Variants in HPGD observed in about 807,000 individuals in gnomAD.
HPGD encodes 15-hydroxyprostaglandin dehydrogenase [NAD(+)].
Under a neutral mutation model 30.0 loss-of-function variants are expected in HPGD, and 29 were observed. The observed-to-expected ratio is 0.97, with a 90% confidence interval of 0.72 to 1.32. HPGD has a LOEUF of 1.32. HPGD is among the 40% of genes most tolerant of loss of function. HPGD has a pLI of 0.00. For synonymous variants in HPGD, 99 were observed against 112.4 expected (o/e 0.88, Z 0.75); for missense variants, 340 against 322.1 (o/e 1.06, Z -0.43).
chr4:174,498,827 C>T (rs1002120359), intron 4 of HPGD, among the ~76,000 whole-genome samples: 5 of 152,034 alleles, frequency 3.3e-5, no homozygotes, highest in African/African-American at 1.2e-4. Context: ...AACTGACTCT[C>T]AATGTAGAAA....
rs1234667185 is a variant in HPGD, at chr4:174,490,416, A to G, written c.*1540T>C. 6.6e-6 allele frequency: 1 copy of G among 152,372 alleles called. No homozygotes were observed. Among genetic ancestry groups the G allele is most frequent in the African/African-American group, 2.4e-5 (1 of 41,480 alleles). 9.4% of individuals were successfully genotyped at this position (152,372 alleles called of 1,614,324 possible). A position where few individuals can be genotyped will look rare whatever the true frequency, so the allele number is the denominator to read the frequency against. ...ATATTGAAGGCTACTAGTCCAAAAA[A>G]TTGTCCATAAATGAAAAGGTTATAC... On this transcript the variant is annotated 3_prime_UTR_variant, in exon 7 of 7. Coordinates refer to ENST00000296522, the MANE Select transcript of HPGD (RefSeq NM_000860.6). This position sits in a 1 kb window ranked among gnomAD's most constrained non-coding sequence, Gnocchi z 4.4.
rs1734490803 is a variant in HPGD, at chr4:174,494,571, C to A, written c.498+977G>T. Among the ~76,000 whole-genome samples the A allele has an allele frequency of 6.6e-6, 1 of 152,174 alleles. No individual in the cohort carries two copies. Among genetic ancestry groups the A allele is most frequent in the Non-Finnish European group, 1.5e-5 (1 of 68,036 alleles). On this transcript the variant is annotated intron_variant, in intron 5 of 6. Coordinates refer to ENST00000296522, the MANE Select transcript of HPGD (RefSeq NM_000860.6). This position sits in a 1 kb window ranked among gnomAD's most constrained non-coding sequence, Gnocchi z 4.9. ...TGCAAATTAAGCAATAATTTCCAATCAATTTAAGAGTGTGAGAACTACTTA... is the reference window on the plus strand; with the variant it reads ...TGCAAATTAAGCAATAATTTCCAATAAATTTAAGAGTGTGAGAACTACTTA...
chr4:174,515,153 T>TA (rs887243976), intron 3 of HPGD, among the ~76,000 whole-genome samples: 1 of 151,784 alleles, frequency 6.6e-6, no homozygotes, highest in East Asian at 1.9e-4. Flanking sequence ...TCCACAGAAT[T>TA]AAAAAAAACA....
chr4:174,520,995 T>C lies in HPGD; in HGVS notation c.217+949A>G, dbSNP rs45600636. Reference sequence around the variant, plus strand: ...TTCATTTTCATTCTCTTACAGAATATTTTAAAATTTTAAAATAAATGTACA... The same window carrying C: ...TTCATTTTCATTCTCTTACAGAATACTTTAAAATTTTAAAATAAATGTACA... On this transcript the variant is annotated intron_variant, in intron 2 of 6. Transcript: ENST00000296522. 6.3e-3 allele frequency among the ~76,000 whole-genome samples: 958 copies of C among 152,328 alleles called. 5 individuals carry two copies. Among genetic ancestry groups the C allele is most frequent in the Non-Finnish European group, 0.01 (691 of 68,028 alleles).
chr4:174,509,758 G>A (rs1442613859), intron 3 of HPGD, among the ~76,000 whole-genome samples: 1 of 152,068 alleles, frequency 6.6e-6, no homozygotes, highest in Non-Finnish European at 1.5e-5. Flanking sequence ...CAGTTTAAGT[G>A]GTGATTGTCA....
intron 3 of HPGD, among the ~76,000 whole-genome samples, chr4:174,513,921 G>A (rs1225133411): frequency 1.3e-5 from 2 of 151,934 alleles, no homozygotes; most frequent in Non-Finnish European, 2.9e-5. Flanking sequence ...AATATATAGA[G>A]TCTAAACTTA....
chr4:174,509,162 C>T (rs1241921520), intron 3 of HPGD, among the ~76,000 whole-genome samples: 1 of 152,150 alleles, frequency 6.6e-6, no homozygotes, highest in Non-Finnish European at 1.5e-5. Context: ...CCCTTCTTCT[C>T]TGCATATGGT....
chr4:174,522,536 C>G (rs1421339532), upstream of HPGD: 23 of 999,924 alleles, frequency 2.3e-5, no homozygotes, highest in Admixed American at 3.6e-5. Flanking sequence ...CGCGCGCGCG[C>G]GTGCAGCCCG....
At position 174,490,560 on chromosome 4, in the gene HPGD, CT is replaced by C. The variant is rs1451929610; in HGVS notation, c.*1395del. 2.6e-5 allele frequency: 4 copies of C among 152,312 alleles called. No individual in the cohort carries two copies. Among genetic ancestry groups the C allele is most frequent in the African/African-American group, 9.6e-5 (4 of 41,452 alleles). 9.4% of individuals were successfully genotyped at this position (152,312 alleles called of 1,614,324 possible). A position where few individuals can be genotyped will look rare whatever the true frequency, so the allele number is the denominator to read the frequency against. On this transcript the variant is annotated 3_prime_UTR_variant, in exon 7 of 7. Coordinates refer to ENST00000296522, the MANE Select transcript of HPGD (RefSeq NM_000860.6). The surrounding 1 kb of genome is among the most constrained non-coding windows in gnomAD (Gnocchi z 4.4). ...GCTTATGCCTGATTACAGTTTATCT[CT>C]ATCAGATGTTCATTGATGTTCACTA...
chr4:174,513,262 G>C (rs1735602284), intron 3 of HPGD, among the ~76,000 whole-genome samples: 1 of 152,140 alleles, frequency 6.6e-6, no homozygotes, highest in Non-Finnish European at 1.5e-5. Context: ...TTTTCACTGG[G>C]ATAGCCTGGT....
chr4:174,512,563 A>C (rs1323085332), intron 3 of HPGD, among the ~76,000 whole-genome samples: 1 of 152,212 alleles, frequency 6.6e-6, no homozygotes, highest in African/African-American at 2.4e-5. Context: ...AGTTTCAAAA[A>C]AGAGTTATAT....
rs981545314 is a variant in HPGD, at chr4:174,500,914, C to T, written c.422-5290G>A. ...TATTTTATTGACCTATTTATCGGTT[C>T]ATCCACATTGTACTTTTTAATGAAA... On this transcript the variant is annotated intron_variant, in intron 4 of 6. Transcript: ENST00000296522. Among the ~76,000 whole-genome samples the T allele has an allele frequency of 3.3e-5, 5 of 152,172 alleles. No individual in the cohort carries two copies. The South Asian group carries it at 6.2e-4, about 19-fold the overall frequency.
At chr4:174,521,634 C>T (rs1443796057) in intron 2 of HPGD, among the ~76,000 whole-genome samples, 2 of 152,218 alleles carry the variant, frequency 1.3e-5, no homozygotes, top group Non-Finnish European at 1.5e-5. Flanking sequence ...GTTTTGTCTG[C>T]AATTTCAATC....
chr4:174,497,574 T>C (rs1311218471), intron 4 of HPGD, among the ~76,000 whole-genome samples: 948 of 94,318 alleles, frequency 0.01, 59 homozygotes, highest in East Asian at 0.047. Flanking sequence ...CTTTCTTTTT[T>C]TTTTTTTTTT....
chr4:174,505,751 A>C (rs534933740), intron 4 of HPGD, among the ~76,000 whole-genome samples: 2 of 152,150 alleles, frequency 1.3e-5, no homozygotes, highest in Non-Finnish European at 2.9e-5. Context: ...GTATAAACAC[A>C]AGAGGTGCGG....
chr4:174,504,674 G>A (rs56812046), intron 4 of HPGD, among the ~76,000 whole-genome samples: 3,011 of 151,022 alleles, frequency 0.02, 125 homozygotes, highest in African/African-American at 0.069. Flanking sequence ...AAAGCCAGAC[G>A]TGGTGGTGTG....
In HPGD at chr4:174,496,318, T is replaced by G. The variant is rs1223537849; in HGVS notation, c.422-694A>C. On this transcript the variant is annotated intron_variant, in intron 4 of 6. Transcript: ENST00000296522. This position sits in a 1 kb window ranked among gnomAD's most constrained non-coding sequence, Gnocchi z 4.6. ...ATCAATTACAGAATGTTTTATTTTG[T>G]AATTTTCCACATATGCACAACAGTA... Among the ~76,000 whole-genome samples the G allele has an allele frequency of 6.6e-6, 1 of 152,236 alleles. No homozygotes were observed. The highest frequency in any genetic ancestry group is 1.5e-5 in the Non-Finnish European group (1 of 68,040).
At chr4:174,522,615 C>T, upstream of HPGD, 2 of 522,518 alleles carry the variant, frequency 3.8e-6, no homozygotes, top group Non-Finnish European at 6.6e-6. Context: ...GAACCCACGA[C>T]TGTGTCACCT....
chr4:174,522,274 T>TG, intron 1 of HPGD, 85 bp downstream of exon 1: 3 of 1,348,644 alleles, frequency 2.2e-6, no homozygotes, highest in South Asian at 1.2e-5. Context: ...GCGGCCTCCC[T>TG]GTCTCCGCCA....
Sources: allele counts gnomAD v4.1 joint callset (sites outside exome capture counted in the v4.1 genomes callset), GRCh38; gene constraint gnomAD v4.1.1; non-coding constraint Gnocchi (gnomAD v3.1); transcripts MANE v1.5; gene names NCBI Gene and HGNC (gene_info 2026-07-23, HGNC 2026-07-21).